The following FRMD8 variants were observed in gnomAD, a reference collection of about 807,000 sequenced individuals.
FRMD8 encodes the protein FERM domain-containing protein 8.
A neutral mutation model predicts 54.2 loss-of-function variants in FRMD8; 37 were observed. The ratio of observed to expected loss-of-function variants is 0.68; its 90% CI spans 0.53 to 0.90. The LOEUF (loss-of-function observed/expected upper bound fraction) is 0.90, where lower values mean the gene tolerates loss of function less well. Ranked by LOEUF, FRMD8 falls within the 40% of genes least tolerant of loss-of-function variation. The probability of loss-of-function intolerance (pLI) is 0.00; values close to 1 mark genes in which losing one functional copy is unlikely to be tolerated. For synonymous variants in FRMD8, 246 were observed against 286.9 expected (o/e 0.86, Z 1.44); for missense variants, 585 against 653.7 (o/e 0.89, Z 1.15).
chr11:65,383,943 C>T (rs1356267599), upstream of FRMD8, among the ~76,000 whole-genome samples: 1 of 152,178 alleles, frequency 6.6e-6, no homozygotes, highest in East Asian at 1.9e-4. Flanking sequence ...TGAGCAACCT[C>T]TTCTGTGGGC....
rs544582809 is a variant in FRMD8 at position 65,388,664 on chromosome 11, T to TTG, written c.86-695_86-694dup. 1.1e-4 allele frequency among the ~76,000 whole-genome samples: 16 copies of TTG among 152,284 alleles called. No homozygotes were observed. The East Asian group carries it at 3.1e-3, about 29-fold the overall frequency. ...TCCATTTGGCTCTGGAACCCACAAG[T>TTG]TGTCACAAGGGAACTCTCAGCTATT... On this transcript the variant is annotated intron_variant, in intron 2 of 10. Transcript: ENST00000317568.
the FRMD8 span, chr11:65,377,421 TACCTG>T: frequency 8.9e-7 from 1 of 1,125,826 alleles, no homozygotes; most frequent in South Asian, 2.6e-5. Context: ...GCAGTGAGCA[TACCTG>T]TACGGTGGGC....
chr11:65,386,643 T>TCCCG lies in FRMD8; in HGVS notation c.-118_-115dup, dbSNP rs1264670302. 1.9e-5 allele frequency: 4 copies of TCCCG among 209,926 alleles called. No homozygotes were observed. Among genetic ancestry groups the TCCCG allele is most frequent in the Non-Finnish European group, 3.8e-5 (4 of 105,696 alleles). 13.0% of individuals were successfully genotyped at this position (209,926 alleles called of 1,614,324 possible). A position where few individuals can be genotyped will look rare whatever the true frequency, so the allele number is the denominator to read the frequency against. ...CTCCCGCCGTGGCTTCCGCGTCGCTTCCCGGTCAGCTGCGTCCTTAGCGGG... is the reference window on the plus strand; with the variant it reads ...CTCCCGCCGTGGCTTCCGCGTCGCTTCCCGCCCGGTCAGCTGCGTCCTTAGCGGG... On this transcript the variant is annotated 5_prime_UTR_variant, in exon 1 of 11. Transcript: ENST00000317568.
chr11:65,399,750 A>T lies in FRMD8; in HGVS notation c.818A>T (p.His273Leu). 1 of 1,613,912 alleles carries T rather than the reference A, an allele frequency of 6.2e-7. No homozygotes were observed. The highest frequency in any genetic ancestry group is 8.5e-7 in the Non-Finnish European group (1 of 1,179,922). ...CCCCTCCCCAGGTGTGCCTTCTTCC[A>T]CGGTGAGGTTGACAAGCCGGCCCAA... ...ELPFYGCAFFHGEVDKPAQGF... is the reference protein window; with the variant it reads ...ELPFYGCAFFLGEVDKPAQGF... Residue 273 changes from histidine to leucine, a missense_variant, in exon 8 of 11, where the codon CAC (histidine) becomes CTC (leucine). Coordinates refer to ENST00000317568, the MANE Select transcript of FRMD8 (RefSeq NM_031904.5).
intron 9 of FRMD8, among the ~76,000 whole-genome samples, chr11:65,402,278 G>A (rs556428688): frequency 1.4e-4 from 21 of 151,954 alleles, no homozygotes; most frequent in Non-Finnish European, 2.6e-4. Context: ...CACTTGAACT[G>A]GGGAGGCAGA....
At chr11:65,371,719 A>T in the FRMD8 span, among the ~76,000 whole-genome samples, 6 of 152,146 alleles carry the variant, frequency 3.9e-5, no homozygotes, top group African/African-American at 1.4e-4. Flanking sequence ...GGTTCGGGTG[A>T]TTCTCCTGCC....
chr11:65,399,903 C>A, intron 8 of FRMD8, 44 bp downstream of exon 8: 1 of 1,581,060 alleles, frequency 6.3e-7, no homozygotes, highest in Non-Finnish European at 8.6e-7. Flanking sequence ...TGGGAGGGGG[C>A]TCCTGACTCA....
intron 10 of FRMD8, among the ~76,000 whole-genome samples, chr11:65,406,283 C>T (rs2904975): frequency 0.64 from 96,359 of 150,646 alleles, 32,647 homozygotes; most frequent in Non-Finnish European, 0.74. Context: ...CAAGCTCCAC[C>T]TCCTGGGTTC....
chr11:65,401,770 C>T (rs1336440843), intron 9 of FRMD8, among the ~76,000 whole-genome samples: 4 of 150,900 alleles, frequency 2.7e-5, no homozygotes, highest in African/African-American at 7.3e-5. Context: ...CTCCCTGCCT[C>T]ATGGCTTTGA....
At chr11:65,380,076 C>T in the FRMD8 span, 1 of 1,596,196 alleles carries the variant, frequency 6.3e-7, no homozygotes. Flanking sequence ...TCAGGGCACC[C>T]TGACATTTGG....
the FRMD8 span, chr11:65,377,254 G>T: frequency 6.3e-6 from 9 of 1,427,326 alleles, no homozygotes; most frequent in Admixed American, 2.9e-5. Flanking sequence ...GTCTGCATGC[G>T]ACCGGGACAG....
the FRMD8 span, chr11:65,379,886 T>C: frequency 6.2e-7 from 1 of 1,614,206 alleles, no homozygotes; most frequent in Non-Finnish European, 8.5e-7. Context: ...GCGGTAAATC[T>C]TGACCATGCA....
chr11:65,399,786 A>T lies in FRMD8; in HGVS notation c.854A>T (p.His285Leu). The T allele has an allele frequency of 6.2e-7, 1 of 1,613,950 alleles. No homozygotes were observed. ...GACAAGCCGGCCCAAGGCTTTTTGC[A>T]CCGGGGTGGGCGCAAGCCAGTTTCT... ...EVDKPAQGFL[H>L]RGGRKPVSVA... The change falls in exon 8 of 11, where the codon CAC becomes CTC. Residue 285 changes from histidine to leucine, a missense_variant. By Grantham distance (99) the His-to-Leu change is moderately conservative. Coordinates refer to ENST00000317568, the MANE Select transcript of FRMD8 (RefSeq NM_031904.5).
chr11:65,379,601 G>A, the FRMD8 span: 1 of 1,560,532 alleles, frequency 6.4e-7, no homozygotes, highest in Non-Finnish European at 8.7e-7. Flanking sequence ...GGCACCGTGG[G>A]GCCTCCCCTT....
At chr11:65,397,058 C>CA in intron 7 of FRMD8, 38 bp downstream of exon 7, 1 of 1,205,750 alleles carries the variant, frequency 8.3e-7, no homozygotes, top group South Asian at 1.7e-5. Flanking sequence ...ACCCCCTCCG[C>CA]AGGCTGTTCT....
chr11:65,405,016 T>G lies in FRMD8; in HGVS notation c.1224T>G (p.Ser408Arg), dbSNP rs1590659504. Residue 408 changes from serine to arginine, a missense_variant, in exon 10 of 11, where the codon AGT becomes AGG. Physicochemically the swap from Ser to Arg is moderately radical, Grantham distance 110. Coordinates refer to ENST00000317568, the MANE Select transcript of FRMD8 (RefSeq NM_031904.5). ...VQRPKLRRQGSVVSSRIQHLS... is the reference protein window; with the variant it reads ...VQRPKLRRQGRVVSSRIQHLS... ...GCCCCAAGCTGCGGAGGCAGGGCAGTGTGGTGTCCAGCCGGATCCAGCATC... is the reference window on the plus strand; with the variant it reads ...GCCCCAAGCTGCGGAGGCAGGGCAGGGTGGTGTCCAGCCGGATCCAGCATC... The G allele has an allele frequency of 2.5e-6, 4 of 1,613,354 alleles. No homozygotes were observed. Among genetic ancestry groups the G allele is most frequent in the Non-Finnish European group, 3.4e-6 (4 of 1,180,022 alleles).
rs959123151 is a variant in FRMD8 at position 65,411,152 on chromosome 11, G to A, written c.1277-90G>A. 59 of 1,069,728 alleles carry A rather than the reference G, an allele frequency of 5.5e-5. 1 individual carries two copies. Among genetic ancestry groups the A allele is most frequent in the African/African-American group, 2.2e-4 (14 of 63,074 alleles). 66.3% of individuals were successfully genotyped at this position (1,069,728 alleles called of 1,614,324 possible). A position where few individuals can be genotyped will look rare whatever the true frequency, so the allele number is the denominator to read the frequency against. On this transcript the variant is annotated intron_variant, in intron 10 of 10. Transcript: ENST00000317568. ...TGACCAGGCTCTGGAAGGAGCCGTC[G>A]CGCTGGAGCCAGAACCTGGCTTCCT...
rs778278507 is a variant in FRMD8 at position 65,393,305 on chromosome 11, G to C, written c.254-268G>C. Among the ~76,000 whole-genome samples, 7 of 152,234 alleles carry C rather than the reference G, an allele frequency of 4.6e-5. No individual in the cohort carries two copies. The South Asian group carries it at 6.2e-4, about 13-fold the overall frequency. ...TTTCAGCTTGCCGTGGGGCTGCAGTGAACACTTAGTGGCTGGCTCTGCCTG... is the reference window on the plus strand; with the variant it reads ...TTTCAGCTTGCCGTGGGGCTGCAGTCAACACTTAGTGGCTGGCTCTGCCTG... On this transcript the variant is annotated intron_variant, in intron 3 of 10. Coordinates refer to ENST00000317568, the MANE Select transcript of FRMD8 (RefSeq NM_031904.5).
At chr11:65,382,207 C>T, upstream of FRMD8, 1 of 551,268 alleles carries the variant, frequency 1.8e-6, no homozygotes, top group Non-Finnish European at 3.3e-6. This position sits in a 1 kb window ranked among gnomAD's most constrained non-coding sequence, Gnocchi z 4.4. Context: ...AGGCCCTGAT[C>T]CCCGAGCCCG....
Sources: allele counts gnomAD v4.1 joint callset (sites outside exome capture counted in the v4.1 genomes callset), GRCh38; gene constraint gnomAD v4.1.1; non-coding constraint Gnocchi (gnomAD v3.1); transcripts MANE v1.5; gene names NCBI Gene and HGNC (gene_info 2026-07-23, HGNC 2026-07-21).